GABBR2: variants seen among roughly 807,000 people sequenced by gnomAD.
GABBR2 encodes the protein G-protein coupled receptor 51.
GABBR2 carries 23 observed loss-of-function variants against 105.6 expected under a neutral mutation model. That is an observed-to-expected ratio of 0.22 (90% confidence interval 0.16 to 0.31). The LOEUF is 0.31. Ranked by LOEUF, GABBR2 falls within the 10% of genes least tolerant of loss-of-function variation. The pLI, the probability that GABBR2 is intolerant of heterozygous loss-of-function variation, is 1.00. For synonymous variants in GABBR2, 478 were observed against 499.7 expected (o/e 0.96, Z 0.58); for missense variants, 734 against 1,245.5 (o/e 0.59, Z 6.18).
At chr9:98,572,359 C>T (rs1324938722) in intron 2 of GABBR2, among the ~76,000 whole-genome samples, 1 of 152,222 alleles carries the variant, frequency 6.6e-6, no homozygotes, top group Non-Finnish European at 1.5e-5. Context: ...ATTTTTGTGA[C>T]ACAAGGAAAC....
intron 12 of GABBR2, among the ~76,000 whole-genome samples, chr9:98,364,545 G>C (rs1399650169): frequency 6.6e-6 from 1 of 151,342 alleles, no homozygotes; most frequent in Non-Finnish European, 1.5e-5. Flanking sequence ...TCTTGTAAAT[G>C]TCATAAAGTA....
chr9:98,402,224 G>T (rs1832406818), intron 8 of GABBR2, among the ~76,000 whole-genome samples: 2 of 152,236 alleles, frequency 1.3e-5, no homozygotes, highest in South Asian at 4.2e-4. Flanking sequence ...TTTTCTCTAA[G>T]AACAGCATAA....
At chr9:98,603,971 C>T (rs1251673652) in intron 1 of GABBR2, among the ~76,000 whole-genome samples, 2 of 152,174 alleles carry the variant, frequency 1.3e-5, no homozygotes, top group South Asian at 2.1e-4. Context: ...GATGTGTGCT[C>T]TCTCATTGTG....
At chr9:98,515,277 C>A (rs1049541411) in intron 3 of GABBR2, among the ~76,000 whole-genome samples, 4 of 152,156 alleles carry the variant, frequency 2.6e-5, no homozygotes, top group Non-Finnish European at 5.9e-5. Flanking sequence ...TGGGGAGCTG[C>A]CTAGGTGGTA....
At chr9:98,665,656 C>T (rs1302094696) in intron 1 of GABBR2, among the ~76,000 whole-genome samples, 13 of 152,154 alleles carry the variant, frequency 8.5e-5, no homozygotes, top group African/African-American at 2.9e-4. Flanking sequence ...CAAGGCCATG[C>T]CATCTGCAGC....
intron 1 of GABBR2, among the ~76,000 whole-genome samples, chr9:98,697,547 A>G (rs1830773240): frequency 6.6e-6 from 1 of 151,818 alleles, no homozygotes; most frequent in Non-Finnish European, 1.5e-5. Flanking sequence ...GAAATGAATG[A>G]ATGCTGCAAA....
intron 7 of GABBR2, among the ~76,000 whole-genome samples, chr9:98,425,705 T>C (rs969787615): frequency 5.3e-5 from 8 of 152,182 alleles, no homozygotes; most frequent in South Asian, 2.1e-4. Context: ...AGGTGAGTCA[T>C]TGAGTCACAA....
chr9:98,450,494 G>A (rs1043328542), intron 7 of GABBR2, among the ~76,000 whole-genome samples: 5 of 152,102 alleles, frequency 3.3e-5, no homozygotes, highest in East Asian at 1.9e-4. Context: ...TCACTGTTGC[G>A]GTCTGTCTCC....
intron 1 of GABBR2, among the ~76,000 whole-genome samples, chr9:98,677,978 C>A (rs866668626): frequency 6.6e-6 from 1 of 152,166 alleles, no homozygotes; most frequent in Non-Finnish European, 1.5e-5. Flanking sequence ...TGTTACCTAC[C>A]TAGCTAGCTA....
chr9:98,562,007 G>A (rs946968773), intron 2 of GABBR2, among the ~76,000 whole-genome samples: 5 of 152,102 alleles, frequency 3.3e-5, no homozygotes, highest in East Asian at 3.9e-4. Flanking sequence ...ATAGTCATAC[G>A]GTCTCAGCGT....
rs530913040 is a variant in GABBR2, at chr9:98,480,723, C to T, written c.798+209G>A. Among the ~76,000 whole-genome samples, 23 of 152,152 alleles carry T rather than the reference C, an allele frequency of 1.5e-4. 1 individual carries two copies. The South Asian group carries it at 4.2e-3, about 28-fold the overall frequency. ...TTAGACTATGGGTTAGACTGAGGTC[C>T]CTGGTTCCTCGATGATGGTATTGTT... is the stretch of plus-strand genomic sequence containing the variant. On this transcript the variant is annotated intron_variant, in intron 5 of 18. Transcript: ENST00000259455.
chr9:98,438,808 AG>A (rs1263655091), intron 7 of GABBR2, among the ~76,000 whole-genome samples: 1 of 152,208 alleles, frequency 6.6e-6, no homozygotes, highest in Non-Finnish European at 1.5e-5. Context: ...ATGCGTAAAA[AG>A]CACAGTACTG....
intron 1 of GABBR2, among the ~76,000 whole-genome samples, chr9:98,661,302 C>T (rs981964499): frequency 3.3e-5 from 5 of 152,182 alleles, no homozygotes; most frequent in African/African-American, 4.8e-5. Context: ...CATCTTGAGG[C>T]GAGGCATTAT....
chr9:98,534,274 G>A (rs1036887628), intron 3 of GABBR2, among the ~76,000 whole-genome samples: 8 of 151,656 alleles, frequency 5.3e-5, no homozygotes, highest in Admixed American at 5.3e-4. Context: ...GTACAGAAAG[G>A]TCAGCTTCAG....
chr9:98,292,056 G>A (rs755719144), intron 18 of GABBR2, among the ~76,000 whole-genome samples: 25 of 152,212 alleles, frequency 1.6e-4, no homozygotes, highest in Non-Finnish European at 1.2e-4. Context: ...TGAAAAGGCT[G>A]CTTGCGGCAA....
At chr9:98,305,120 C>T (rs1830530936) in intron 15 of GABBR2, among the ~76,000 whole-genome samples, 1 of 152,088 alleles carries the variant, frequency 6.6e-6, no homozygotes, top group African/African-American at 2.4e-5. Flanking sequence ...TCCCTCAACA[C>T]AGATCACCCT....
chr9:98,303,153 G>T (rs1830495913), intron 16 of GABBR2, 88 bp downstream of exon 16: 3 of 1,007,046 alleles, frequency 3.0e-6, no homozygotes, highest in Non-Finnish European at 4.5e-6. Flanking sequence ...CTGCAGGGAT[G>T]GTCTAGAGGA....
At chr9:98,646,520 T>C (rs539809633) in intron 1 of GABBR2, among the ~76,000 whole-genome samples, 126 of 152,266 alleles carry the variant, frequency 8.3e-4, no homozygotes, top group African/African-American at 2.8e-3. Context: ...TAATAAATCA[T>C]AGCTGTGAGT....
chr9:98,417,940 C>T (rs191658029), intron 7 of GABBR2, among the ~76,000 whole-genome samples: 1 of 152,136 alleles, frequency 6.6e-6, no homozygotes, highest in Admixed American at 6.5e-5. Context: ...AGGCAAGAGA[C>T]AGTGTGGCTC....
Sources: gnomAD v4.1 joint callset for allele counts (sites outside exome capture counted in the v4.1 genomes callset) on GRCh38, gnomAD v4.1.1 for gene constraint, MANE v1.5 for transcripts, NCBI Gene and HGNC (gene_info 2026-07-23, HGNC 2026-07-21) for gene names.